Variants in PTDSS1 observed in about 807,000 individuals in gnomAD.
The protein encoded by PTDSS1 is PSS-1.
A neutral mutation model predicts 70.5 loss-of-function variants in PTDSS1; 45 were observed. That is an observed-to-expected ratio of 0.64 (90% CI 0.50 to 0.82). The LOEUF is 0.82. PTDSS1 is among the 40% of genes least tolerant of loss of function. The pLI is 0.00. For missense variants in PTDSS1, 417 were observed against 586.1 expected (o/e 0.71, Z 2.98); for synonymous variants, 188 against 203.8 (o/e 0.92, Z 0.66).
rs114656660 is a variant in PTDSS1, at chr8:96,265,745, G to C, written c.179+3526G>C. On this transcript the variant is annotated intron_variant, in intron 1 of 12. Transcript: ENST00000517309. Reference sequence around the variant, plus strand: ...ACTCCAGCCTCCACCCTACTCACTCGACAGAATGAGACCCTGTCTCAAAAG... The same window carrying C: ...ACTCCAGCCTCCACCCTACTCACTCCACAGAATGAGACCCTGTCTCAAAAG... Among the ~76,000 whole-genome samples the C allele has an allele frequency of 3.7e-3, 560 of 152,280 alleles. 14 individuals carry two copies. The East Asian group carries it at 0.055, about 15-fold the overall frequency.
intron 2 of PTDSS1, among the ~76,000 whole-genome samples, chr8:96,280,543 A>T (rs1810721105): frequency 6.6e-6 from 1 of 152,120 alleles, no homozygotes; most frequent in Admixed American, 6.5e-5. Context: ...ACTCCAGCCT[A>T]GGTGACAGGG....
chr8:96,321,688 C>CT (rs1811374618), intron 10 of PTDSS1, among the ~76,000 whole-genome samples: 1 of 151,952 alleles, frequency 6.6e-6, no homozygotes. Flanking sequence ...TTTCTTTTCT[C>CT]TTTTTTGGCA....
intron 12 of PTDSS1, 37 bp downstream of exon 12, chr8:96,331,132 G>A: frequency 6.5e-7 from 1 of 1,545,158 alleles, no homozygotes; most frequent in Middle Eastern, 1.7e-4. Context: ...AATTTTACTG[G>A]GTCCTTGAGA....
At chr8:96,300,308 C>A (rs1360319193) in intron 6 of PTDSS1, among the ~76,000 whole-genome samples, 2 of 152,068 alleles carry the variant, frequency 1.3e-5, no homozygotes, top group African/African-American at 4.8e-5. Flanking sequence ...ACATCCATTA[C>A]CCCAGTAGGG....
At chr8:96,307,112 C>T (rs915386715) in intron 8 of PTDSS1, among the ~76,000 whole-genome samples, 3 of 152,140 alleles carry the variant, frequency 2.0e-5, no homozygotes, top group African/African-American at 7.2e-5. Context: ...CTTATTCAGA[C>T]ACCATCCCTC....
intron 5 of PTDSS1, 99 bp from the exon 6 acceptor site, chr8:96,299,595 T>A: frequency 1.6e-6 from 2 of 1,266,118 alleles, no homozygotes; most frequent in Admixed American, 5.2e-5. Context: ...TGTCAACAAC[T>A]TCTTCTAAAA....
chr8:96,319,177 G>T (rs1173711503), intron 9 of PTDSS1, among the ~76,000 whole-genome samples: 1 of 151,954 alleles, frequency 6.6e-6, no homozygotes, highest in East Asian at 1.9e-4. Context: ...GCCTCCCAAA[G>T]TGCCGAGATC....
rs1004664109 is a variant in PTDSS1 at position 96,336,519 on chromosome 8, G to C, written c.*2953G>C. ...TGAAGCTAGCCCTTTAAAATACGGG[G>C]TTGGGGGGTTAACATCCGCTCTTTG... On this transcript the variant is annotated 3_prime_UTR_variant, in exon 13 of 13. Coordinates refer to ENST00000517309, the MANE Select transcript of PTDSS1 (RefSeq NM_014754.3). 6.6e-6 allele frequency: 1 copy of C among 152,032 alleles called. No individual in the cohort carries two copies. The highest frequency in any genetic ancestry group is 2.4e-5 in the African/African-American group (1 of 41,250). 9.4% of individuals were successfully genotyped at this position (152,032 alleles called of 1,614,324 possible).
intron 2 of PTDSS1, 31 bp from the exon 3 acceptor site, chr8:96,284,078 C>G (rs1369959188): frequency 1.3e-6 from 2 of 1,573,480 alleles, no homozygotes; most frequent in Non-Finnish European, 1.7e-6. Context: ...AAACCAGTTC[C>G]TTCTAACTTT....
In PTDSS1 at chr8:96,331,096, G is replaced by T. The variant is rs765977685; in HGVS notation, c.1312+1G>T. 4 of 1,586,506 alleles carry T rather than the reference G, an allele frequency of 2.5e-6. No homozygotes were observed. In the African/African-American group the frequency reaches 4.2e-5, roughly 17 times the overall value. On this transcript the variant is annotated splice_donor_variant, in intron 12 of 12. Transcript: ENST00000517309. LOFTEE classifies it high-confidence loss of function. ...TGGCATCACAGGAAAGGGACAAAAG[G>T]TATCTTGTTCTTGTTCGTTGTTTAA... is the stretch of plus-strand genomic sequence containing the variant.
intron 10 of PTDSS1, among the ~76,000 whole-genome samples, chr8:96,327,305 G>A (rs937230771): frequency 7.9e-5 from 12 of 152,090 alleles, no homozygotes; most frequent in African/African-American, 2.4e-4. Context: ...AGGTCAGGCC[G>A]GGGACGATGA....
intron 1 of PTDSS1, among the ~76,000 whole-genome samples, chr8:96,266,206 C>T (rs578202493): frequency 2.6e-5 from 4 of 152,338 alleles, no homozygotes; most frequent in African/African-American, 9.6e-5. Flanking sequence ...TGCCATTAAA[C>T]AGTAGAATCA....
intron 7 of PTDSS1, among the ~76,000 whole-genome samples, 195 bp from the exon 8 acceptor site, chr8:96,306,249 G>T (rs1811122724): frequency 6.6e-6 from 1 of 152,144 alleles, no homozygotes; most frequent in African/African-American, 2.4e-5. Flanking sequence ...CTCTCCCTGG[G>T]CCTCCAGTTG....
chr8:96,304,752 A>C (rs548535874), intron 7 of PTDSS1, among the ~76,000 whole-genome samples: 1 of 152,224 alleles, frequency 6.6e-6, no homozygotes, highest in Non-Finnish European at 1.5e-5. Context: ...ATTATCAAGC[A>C]TCTGTGTTTC....
At chr8:96,273,277 A>G in intron 1 of PTDSS1, 22 bp from the exon 2 acceptor site, 4 of 1,540,920 alleles carry the variant, frequency 2.6e-6, no homozygotes, top group Non-Finnish European at 3.5e-6. Flanking sequence ...GTAAATGCTC[A>G]ATGTTGTTTT....
chr8:96,283,932 G>T (rs1810783356), intron 2 of PTDSS1, among the ~76,000 whole-genome samples, 177 bp from the exon 3 acceptor site: 1 of 151,728 alleles, frequency 6.6e-6, no homozygotes, highest in African/African-American at 2.4e-5. Context: ...GTTATAATGT[G>T]GAGAAAACAT....
At chr8:96,322,975 G>C (rs1352909762) in intron 10 of PTDSS1, among the ~76,000 whole-genome samples, 1 of 152,190 alleles carries the variant, frequency 6.6e-6, no homozygotes, top group Non-Finnish European at 1.5e-5. Flanking sequence ...ATACAATAAT[G>C]GGACAGGCAT....
At chr8:96,330,955 C>T (rs547714921) in intron 11 of PTDSS1, 71 bp from the exon 12 acceptor site, 15 of 1,347,700 alleles carry the variant, frequency 1.1e-5, no homozygotes, top group Admixed American at 3.4e-5. Context: ...GCAGCATGCT[C>T]GCCTTTTTGC....
chr8:96,309,771 A>G (rs1243062674), intron 9 of PTDSS1, 149 bp downstream of exon 9: 4 of 527,200 alleles, frequency 7.6e-6, no homozygotes, highest in African/African-American at 1.9e-5. Context: ...CTATATCTAT[A>G]TATACATAGA....
Sources: allele counts gnomAD v4.1 joint callset (sites outside exome capture counted in the v4.1 genomes callset), GRCh38; gene constraint gnomAD v4.1.1; transcripts MANE v1.5; gene names NCBI Gene and HGNC (gene_info 2026-07-23, HGNC 2026-07-21).